Variants in DOCK10 observed in about 807,000 individuals in gnomAD.
DOCK10 encodes the protein dedicator of cytokinesis 10.
In DOCK10, 145 loss-of-function variants were observed where a neutral mutation model predicts 280.1. That is an observed-to-expected ratio of 0.52 (90% confidence interval 0.45 to 0.59). The LOEUF (loss-of-function observed/expected upper bound fraction) is 0.59, where lower values mean the gene tolerates loss of function less well. Among genes scored for constraint, DOCK10 ranks in the 20% least tolerant of loss-of-function variants. DOCK10 has a pLI of 0.00. For missense variants in DOCK10, 2,368 were observed against 2,651.7 expected (o/e 0.89, Z 2.35); for synonymous variants, 915 against 942.2 (o/e 0.97, Z 0.53).
chr2:224,921,112 A>AAAAAAATAT, intron 2 of DOCK10, among the ~76,000 whole-genome samples: 8 of 54,416 alleles, frequency 1.5e-4, no homozygotes, highest in African/African-American at 9.4e-4. Flanking sequence ...AAAAAAAAAA[A>AAAAAAATAT]ATATATATAT....
At chr2:224,790,946 C>G (rs1692148096) in intron 47 of DOCK10, among the ~76,000 whole-genome samples, 1 of 152,186 alleles carries the variant, frequency 6.6e-6, no homozygotes, top group Non-Finnish European at 1.5e-5. Context: ...ATATCATCAG[C>G]TAATGTATCA....
chr2:224,988,946 T>C (rs1194833874), intron 1 of DOCK10, among the ~76,000 whole-genome samples: 1 of 152,100 alleles, frequency 6.6e-6, no homozygotes, highest in African/African-American at 2.4e-5. Flanking sequence ...CTACATGACA[T>C]AAAATGTTGG....
chr2:224,944,786 A>C (rs1703300274), intron 1 of DOCK10, among the ~76,000 whole-genome samples: 1 of 152,242 alleles, frequency 6.6e-6, no homozygotes, highest in Admixed American at 6.5e-5. Context: ...AACCTGTGAA[A>C]GTAGATATGC....
chr2:224,835,381 C>T (rs1695527540), intron 25 of DOCK10, among the ~76,000 whole-genome samples: 1 of 152,156 alleles, frequency 6.6e-6, no homozygotes, highest in African/African-American at 2.4e-5. Context: ...TCACTGTTAA[C>T]CATGGCATTT....
At chr2:224,949,621 G>A (rs1204914588) in intron 1 of DOCK10, among the ~76,000 whole-genome samples, 1 of 152,172 alleles carries the variant, frequency 6.6e-6, no homozygotes, top group Admixed American at 6.5e-5. Flanking sequence ...CTGCTGGAAA[G>A]GAAATGTAGC....
chr2:224,953,005 C>T (rs1703849791), intron 1 of DOCK10, among the ~76,000 whole-genome samples: 2 of 152,298 alleles, frequency 1.3e-5, no homozygotes, highest in South Asian at 4.1e-4. Flanking sequence ...ACCTGGCTTT[C>T]ATTGACAATG....
intron 20 of DOCK10, 21 bp downstream of exon 20, chr2:224,845,498 C>T: frequency 1.2e-6 from 2 of 1,602,188 alleles, no homozygotes; most frequent in African/African-American, 1.3e-5. Flanking sequence ...GACTCTGCCT[C>T]AGATTTCTTC....
intron 1 of DOCK10, among the ~76,000 whole-genome samples, chr2:224,940,729 T>A (rs1702996918): frequency 6.6e-6 from 1 of 152,166 alleles, no homozygotes; most frequent in Admixed American, 6.6e-5. Flanking sequence ...AAAAATGAGT[T>A]TAAGACCCCG....
chr2:224,770,884 C>T lies in DOCK10; in HGVS notation c.6205-239G>A, dbSNP rs1341482958. Reference sequence around the variant, plus strand: ...AATTTCAGTCCTTTGCCAACCCCTTCACATTTTTTTTTTTTGTCATATCTG... The same window carrying T: ...AATTTCAGTCCTTTGCCAACCCCTTTACATTTTTTTTTTTTGTCATATCTG... On this transcript the variant is annotated intron_variant, in intron 53 of 55. Coordinates refer to ENST00000258390, the MANE Select transcript of DOCK10 (RefSeq NM_014689.3). The surrounding 1 kb of genome is among the most constrained non-coding windows in gnomAD (Gnocchi z 4.5). 4.0e-5 allele frequency among the ~76,000 whole-genome samples: 6 copies of T among 150,496 alleles called. No individual in the cohort carries two copies. In the South Asian group the frequency reaches 1.3e-3, roughly 31 times the overall value.
intron 1 of DOCK10, among the ~76,000 whole-genome samples, chr2:225,012,070 T>C (rs753732008): frequency 3.3e-5 from 5 of 152,216 alleles, no homozygotes; most frequent in African/African-American, 7.2e-5. Context: ...ATGCATATCA[T>C]GTCTCCAGAT....
chr2:224,949,760 A>T (rs1703624483), intron 1 of DOCK10, among the ~76,000 whole-genome samples: 4 of 152,204 alleles, frequency 2.6e-5, no homozygotes, highest in African/African-American at 9.7e-5. Flanking sequence ...CAGTTTTCTC[A>T]TCTGTAAAAT....
intron 25 of DOCK10, among the ~76,000 whole-genome samples, chr2:224,836,219 G>A (rs1278682900): frequency 6.6e-6 from 1 of 152,148 alleles, no homozygotes; most frequent in Non-Finnish European, 1.5e-5. Context: ...AGCATTGAGA[G>A]GGTGAAAGTT....
At chr2:224,800,624 G>A (rs550137611) in intron 40 of DOCK10, among the ~76,000 whole-genome samples, 6 of 152,218 alleles carry the variant, frequency 3.9e-5, no homozygotes, top group African/African-American at 7.2e-5. Flanking sequence ...ATGTCCCCTC[G>A]GAAAGTCACA....
chr2:224,917,617 T>C (rs1701412006), intron 2 of DOCK10, among the ~76,000 whole-genome samples: 1 of 152,190 alleles, frequency 6.6e-6, no homozygotes, highest in African/African-American at 2.4e-5. Context: ...ATAGGTTGTG[T>C]TTTTGGTGTC....
intron 1 of DOCK10, among the ~76,000 whole-genome samples, chr2:225,009,072 G>C (rs1227271614): frequency 6.6e-6 from 1 of 152,134 alleles, no homozygotes; most frequent in Non-Finnish European, 1.5e-5. Context: ...CAGGTGATAT[G>C]GGGCCAGCAG....
chr2:224,939,914 T>C (rs1447114471), intron 1 of DOCK10, among the ~76,000 whole-genome samples: 1 of 152,222 alleles, frequency 6.6e-6, no homozygotes, highest in African/African-American at 2.4e-5. Context: ...GCATAGTGGA[T>C]ATTTGTTGTC....
At chr2:224,999,234 T>C (rs887088539) in intron 1 of DOCK10, among the ~76,000 whole-genome samples, 1 of 147,394 alleles carries the variant, frequency 6.8e-6, no homozygotes, top group Non-Finnish European at 1.5e-5. Context: ...CTCTCTCTCT[T>C]TCTCTGTCTC....
At chr2:224,814,298 T>TA in intron 31 of DOCK10, 22 bp downstream of exon 31, 1 of 1,472,970 alleles carries the variant, frequency 6.8e-7, no homozygotes, top group South Asian at 1.4e-5. Flanking sequence ...TACTGATGCT[T>TA]AGGTAAGGTA....
At chr2:224,789,211 C>T in intron 47 of DOCK10, 41 bp from the exon 48 acceptor site, 2 of 1,405,214 alleles carry the variant, frequency 1.4e-6, no homozygotes, top group Non-Finnish European at 2.0e-6. Context: ...TTATTTGAGA[C>T]AAATTTTGCT....
Sources: gnomAD v4.1 joint callset for allele counts (sites outside exome capture counted in the v4.1 genomes callset) on GRCh38, gnomAD v4.1.1 for gene constraint, Gnocchi (gnomAD v3.1) non-coding constraint, MANE v1.5 for transcripts, NCBI Gene and HGNC (gene_info 2026-07-23, HGNC 2026-07-21) for gene names.